ACSM4: variants seen among roughly 807,000 people sequenced by gnomAD.
ACSM4 encodes the protein acyl-CoA synthetase medium chain family member 4.
Under a neutral mutation model 73.0 loss-of-function variants are expected in ACSM4, and 66 were observed. The observed-to-expected ratio is 0.90, with a 90% CI of 0.74 to 1.11. ACSM4 has a LOEUF of 1.11. ACSM4 is among the 50% of genes least tolerant of loss of function. The pLI, the probability that ACSM4 is intolerant of heterozygous loss-of-function variation, is 0.00. For missense variants in ACSM4, 645 were observed against 714.4 expected (o/e 0.90, Z 1.11); for synonymous variants, 222 against 254.0 (o/e 0.87, Z 1.20).
intron 3 of ACSM4, among the ~76,000 whole-genome samples, chr12:7,314,682 A>G (rs1946409280): frequency 6.6e-6 from 1 of 152,158 alleles, no homozygotes; most frequent in Non-Finnish European, 1.5e-5. Context: ...AAAGGTTTCC[A>G]TACTGGATTG....
At chr12:7,315,118 C>A (rs1946411728) in intron 3 of ACSM4, among the ~76,000 whole-genome samples, 1 of 150,790 alleles carries the variant, frequency 6.6e-6, no homozygotes, top group South Asian at 2.1e-4. Flanking sequence ...ATTGCTTGAA[C>A]CTGGGAGGTG....
intron 3 of ACSM4, among the ~76,000 whole-genome samples, chr12:7,314,313 T>C (rs191657123): frequency 6.6e-6 from 1 of 152,176 alleles, no homozygotes. Context: ...TAGCAGGTAG[T>C]AGGTACATGA....
chr12:7,313,798 G>A (rs766348038), intron 3 of ACSM4, among the ~76,000 whole-genome samples: 3 of 152,144 alleles, frequency 2.0e-5, no homozygotes, highest in Non-Finnish European at 2.9e-5. Flanking sequence ...GGTTTAGCTA[G>A]AGAATAAAAT....
In ACSM4 at chr12:7,320,826, T is replaced by C. The variant is rs767157537; in HGVS notation, c.1001+22T>C. ...AGAGGTACTTGGGCAGAAATCTCCA[T>C]TTGAACCACAAACAATAGCTACCAT... On this transcript the variant is annotated intron_variant, in intron 6 of 12. Transcript: ENST00000399422. 7.6e-6 allele frequency: 12 copies of C among 1,575,660 alleles called. No homozygotes were observed. In the South Asian group the frequency reaches 1.1e-4, roughly 15 times the overall value.
chr12:7,309,527 G>A (rs1473259596), intron 2 of ACSM4, among the ~76,000 whole-genome samples: 2 of 152,094 alleles, frequency 1.3e-5, no homozygotes, highest in Non-Finnish European at 2.9e-5. Context: ...TAAAAGAATT[G>A]TAGTTTCTCA....
intron 6 of ACSM4, among the ~76,000 whole-genome samples, chr12:7,321,550 G>A (rs1946463819): frequency 6.6e-6 from 1 of 152,122 alleles, no homozygotes. Context: ...CCTATGTCAC[G>A]GCCTTTGAAA....
intron 3 of ACSM4, among the ~76,000 whole-genome samples, chr12:7,311,394 G>C (rs1946389471): frequency 1.3e-5 from 2 of 152,026 alleles, no homozygotes; most frequent in South Asian, 4.2e-4. Context: ...CTCCGCTCCT[G>C]TTATTTCTTC....
chr12:7,315,937 A>G (rs2136331847), intron 3 of ACSM4, among the ~76,000 whole-genome samples: 1 of 152,264 alleles, frequency 6.6e-6, no homozygotes, highest in East Asian at 1.9e-4. Flanking sequence ...AAACATCTTT[A>G]TATGGTGGCT....
rs764786891 is a variant in ACSM4 at position 7,310,515 on chromosome 12, T to G, written c.413-24T>G. On this transcript the variant is annotated intron_variant, in intron 2 of 12. Coordinates refer to ENST00000399422, the MANE Select transcript of ACSM4 (RefSeq NM_001080454.2). The stretch of plus-strand genomic sequence containing the variant: ...CACAATGGACAGCAGTTCTGTTCAG[T>G]GCAGGGCCCTCTGTCCTTCCCAGGG... 1.9e-6 allele frequency: 3 copies of G among 1,581,988 alleles called. No individual in the cohort carries two copies. In the Admixed American group the frequency reaches 5.3e-5, roughly 28 times the overall value.
chr12:7,304,585 C>T, intron 1 of ACSM4, 53 bp downstream of exon 1: 1 of 1,536,402 alleles, frequency 6.5e-7, no homozygotes, highest in African/African-American at 1.4e-5. Context: ...ATCTCTCAGT[C>T]TTCCATTTCC....
In ACSM4 at chr12:7,310,731, T is replaced by A. The variant is rs777268793; in HGVS notation, c.605T>A (p.Phe202Tyr). The A allele has an allele frequency of 6.2e-7, 1 of 1,612,838 alleles. No homozygotes were observed. The highest frequency in any genetic ancestry group is 1.1e-5 in the South Asian group (1 of 90,752). ...SPQSWNGWLS[F>Y]QELFQFASEE... ...CAAAGCTGGAATGGGTGGCTCAGCT[T>A]CCAGGAGTTATTTCAGTGAGTATTT... Residue 202 changes from phenylalanine (F) to tyrosine (Y), a missense_variant, in exon 3 of 13, where the codon TTC becomes TAC. Phe to Tyr is a conservative substitution (Grantham distance 22). Transcript: ENST00000399422.
intron 10 of ACSM4, 40 bp downstream of exon 10, chr12:7,324,440 A>G (rs868173101): frequency 1.9e-6 from 3 of 1,613,936 alleles, no homozygotes; most frequent in Non-Finnish European, 2.5e-6. Context: ...ACAATTCGAC[A>G]GGGAGGGAGA....
Position 7,317,489 on chromosome 12 carries a change from T to G in ACSM4, c.764+209T>G, listed in dbSNP as rs543627607. ...TTAAGCAAAAGCTTAAGAATCAACC[T>G]TAATTAATCCCTTAACAGCATGTCT... is the stretch of plus-strand genomic sequence containing the variant. On this transcript the variant is annotated intron_variant, in intron 4 of 12. Transcript: ENST00000399422. Among the ~76,000 whole-genome samples the G allele has an allele frequency of 8.5e-5, 13 of 152,330 alleles. 1 individual carries two copies. The highest frequency in any genetic ancestry group is 3.1e-4 in the African/African-American group (13 of 41,588).
rs1371225851 is a variant in ACSM4 at position 7,314,625 on chromosome 12, TAGAC to T, written c.621-2508_621-2505del. Among the ~76,000 whole-genome samples the T allele has an allele frequency of 9.9e-5, 15 of 152,126 alleles. No homozygotes were observed. The East Asian group carries it at 1.2e-3, about 12-fold the overall frequency. On this transcript the variant is annotated intron_variant, in intron 3 of 12. Coordinates refer to ENST00000399422, the MANE Select transcript of ACSM4 (RefSeq NM_001080454.2). ...GATAGATGATAGATAGATAGATAGA[TAGAC>T]AGATAGATAGATGATAGATAGAGAG...
intron 5 of ACSM4, among the ~76,000 whole-genome samples, chr12:7,318,776 C>A (rs1446524252): frequency 6.6e-6 from 1 of 152,188 alleles, no homozygotes; most frequent in African/African-American, 2.4e-5. Flanking sequence ...AATTATTTTT[C>A]AACCATGGCA....
chr12:7,323,310 T>G lies in ACSM4; in HGVS notation c.1202T>G (p.Val401Gly), dbSNP rs758269574. 1 of 1,610,300 alleles carries G rather than the reference T, an allele frequency of 6.2e-7. No homozygotes were observed. Among genetic ancestry groups the G allele is most frequent in the Non-Finnish European group, 8.5e-7 (1 of 1,178,266 alleles). The change falls in exon 8 of 13, where the codon GTC becomes GGC. Residue 401 changes from valine (V) to glycine (G), a missense_variant. Physicochemically the swap from Val to Gly is moderately radical, Grantham distance 109 (BLOSUM62 -3). Coordinates refer to ENST00000399422, the MANE Select transcript of ACSM4 (RefSeq NM_001080454.2). ...GGGAAAGGAATGCTGCCCTATGATG[T>G]CCAGGTAGGTTGAGAAAATATCTGA... is the stretch of plus-strand genomic sequence containing the variant. Reference protein sequence around the residue: ...SMGKGMLPYDVQIIDENGNVL... With the variant: ...SMGKGMLPYDGQIIDENGNVL...
intron 3 of ACSM4, among the ~76,000 whole-genome samples, chr12:7,312,645 A>G (rs1016748258): frequency 6.6e-6 from 1 of 152,200 alleles, no homozygotes; most frequent in Non-Finnish European, 1.5e-5. Context: ...TGGATAAGTG[A>G]GGTAACATTG....
chr12:7,307,058 G>C (rs950525396), intron 2 of ACSM4, among the ~76,000 whole-genome samples: 3 of 152,108 alleles, frequency 2.0e-5, no homozygotes, highest in Admixed American at 6.5e-5. Flanking sequence ...TTCCAGACCA[G>C]TCTGGCCAAC....
rs371642688 is a variant in ACSM4, at chr12:7,317,190, C to T, written c.674C>T (p.Thr225Ile). Residue 225 changes from threonine (T) to isoleucine (I), a missense_variant, in exon 4 of 13, where the codon ACC (threonine) becomes ATC (isoleucine). Thr to Ile is a moderately conservative substitution (Grantham distance 89, BLOSUM62 -1). Coordinates refer to ENST00000399422, the MANE Select transcript of ACSM4 (RefSeq NM_001080454.2). ...CVETGSQEPM[T>I]IYFTSGTTGF... ...GAAACAGGAAGTCAAGAACCAATGACCATTTATTTCACCAGTGGGACCACA... is the reference window on the plus strand; with the variant it reads ...GAAACAGGAAGTCAAGAACCAATGATCATTTATTTCACCAGTGGGACCACA... 1.4e-5 allele frequency: 23 copies of T among 1,612,622 alleles called. No homozygotes were observed. The African/African-American group carries it at 2.9e-4, about 21-fold the overall frequency.
Sources: gnomAD v4.1 joint callset for allele counts (sites outside exome capture counted in the v4.1 genomes callset) on GRCh38, gnomAD v4.1.1 for gene constraint, MANE v1.5 for transcripts, NCBI Gene and HGNC (gene_info 2026-07-23, HGNC 2026-07-21) for gene names.